The following PTPRD variants were observed in gnomAD, a reference collection of about 807,000 sequenced individuals.
PTPRD encodes the protein receptor-type tyrosine-protein phosphatase delta.
A neutral mutation model predicts 214.5 loss-of-function variants in PTPRD; 34 were observed. The ratio of observed to expected loss-of-function variants is 0.16; its 90% CI spans 0.12 to 0.21. PTPRD has a LOEUF of 0.21. Ranked by LOEUF, PTPRD falls within the 10% of genes least tolerant of loss-of-function variation. The probability of loss-of-function intolerance (pLI) is 1.00; values close to 1 mark genes in which losing one functional copy is unlikely to be tolerated. For missense variants in PTPRD, 2,545 were observed against 2,398.7 expected (o/e 1.06, Z -1.27); for synonymous variants, 1,128 against 845.7 (o/e 1.33, Z -5.79).
chr9:9,678,908 T>A (rs10816162), intron 7 of PTPRD, among the ~76,000 whole-genome samples: 50,783 of 151,574 alleles, frequency 0.34, 8,823 homozygotes, highest in Admixed American at 0.47. Context: ...CAAAAATCAC[T>A]CTAAAACTCA....
chr9:8,715,602 T>C (rs965519245), intron 12 of PTPRD, among the ~76,000 whole-genome samples: 3 of 152,198 alleles, frequency 2.0e-5, no homozygotes, highest in Non-Finnish European at 4.4e-5. Context: ...ACACCATATT[T>C]CTTCTAACTA....
chr9:10,162,596 C>G (rs532035389), intron 3 of PTPRD, among the ~76,000 whole-genome samples: 45 of 149,480 alleles, frequency 3.0e-4, no homozygotes, highest in African/African-American at 1.0e-3. Context: ...TACGAACTAA[C>G]AGTTTTATAC....
intron 3 of PTPRD, among the ~76,000 whole-genome samples, chr9:10,128,480 G>A (rs1356361474): frequency 6.6e-6 from 1 of 152,098 alleles, no homozygotes; most frequent in East Asian, 1.9e-4. Flanking sequence ...CAGAAGCTAT[G>A]ACTGAGGCAT....
chr9:8,473,512 T>A (rs1206423885), intron 30 of PTPRD, among the ~76,000 whole-genome samples: 3 of 152,138 alleles, frequency 2.0e-5, no homozygotes, highest in Non-Finnish European at 4.4e-5. Flanking sequence ...ACCTCTTGCT[T>A]TTCACTACCA....
At chr9:8,828,136 G>T (rs2097211592) in intron 11 of PTPRD, among the ~76,000 whole-genome samples, 1 of 152,180 alleles carries the variant, frequency 6.6e-6, no homozygotes, top group Non-Finnish European at 1.5e-5. Flanking sequence ...AGAGCTTGAT[G>T]GAAAGAGAAT....
intron 9 of PTPRD, among the ~76,000 whole-genome samples, chr9:9,358,864 C>A (rs578065651): frequency 6.6e-6 from 1 of 151,424 alleles, no homozygotes; most frequent in South Asian, 2.1e-4. Context: ...GCGAGACGAA[C>A]CAACTCTGAG....
At chr9:10,019,709 T>G (rs1375792419) in intron 4 of PTPRD, among the ~76,000 whole-genome samples, 1 of 147,630 alleles carries the variant, frequency 6.8e-6, no homozygotes, top group Non-Finnish European at 1.5e-5. Context: ...TTCTCACTCA[T>G]AGGTGGGAAT....
chr9:10,411,240 G>A (rs2098432975), intron 2 of PTPRD, among the ~76,000 whole-genome samples: 1 of 151,690 alleles, frequency 6.6e-6, no homozygotes, highest in African/African-American at 2.4e-5. Flanking sequence ...CACCTAATGA[G>A]AAGAAATTGT....
chr9:8,921,297 C>T (rs1032393339), intron 11 of PTPRD, among the ~76,000 whole-genome samples: 5 of 152,140 alleles, frequency 3.3e-5, no homozygotes, highest in African/African-American at 7.2e-5. Context: ...GTTAAAGCTT[C>T]CTGAACTTGC....
intron 10 of PTPRD, chr9:9,091,174 A>G: frequency 6.5e-7 from 1 of 1,545,080 alleles, no homozygotes; most frequent in Non-Finnish European, 8.8e-7. Flanking sequence ...TGAAGTCCGC[A>G]AGGACCGAAC....
intron 5 of PTPRD, among the ~76,000 whole-genome samples, chr9:9,837,151 G>A (rs1480357044): frequency 2.6e-5 from 4 of 152,096 alleles, no homozygotes; most frequent in African/African-American, 7.2e-5. Context: ...TGTGTATTAA[G>A]TATGTGTGTG....
At chr9:10,061,507 T>A (rs920054597) in intron 3 of PTPRD, among the ~76,000 whole-genome samples, 1 of 152,052 alleles carries the variant, frequency 6.6e-6, no homozygotes, top group African/African-American at 2.4e-5. Context: ...TCAAATGAGA[T>A]TGCTTTGAAG....
intron 9 of PTPRD, among the ~76,000 whole-genome samples, chr9:9,296,732 T>A (rs898013714): frequency 7.2e-5 from 11 of 151,786 alleles, no homozygotes; most frequent in African/African-American, 2.7e-4. Context: ...ACATTTTAAA[T>A]AAATAAGAAG....
intron 2 of PTPRD, among the ~76,000 whole-genome samples, chr9:10,374,363 T>C (rs980323113): frequency 2.0e-5 from 3 of 152,060 alleles, no homozygotes; most frequent in African/African-American, 7.2e-5. Flanking sequence ...TGCATATAAA[T>C]ATTTGGCTGC....
intron 7 of PTPRD, among the ~76,000 whole-genome samples, chr9:9,691,194 T>G (rs1426704579): frequency 6.6e-6 from 1 of 151,966 alleles, no homozygotes; most frequent in Non-Finnish European, 1.5e-5. Flanking sequence ...ATTAGATTAT[T>G]ATTAACAATA....
intron 3 of PTPRD, among the ~76,000 whole-genome samples, chr9:10,330,144 AC>A (rs976980713): frequency 1.3e-5 from 2 of 151,830 alleles, no homozygotes; most frequent in Admixed American, 6.6e-5. Flanking sequence ...GTCACAGGAA[AC>A]TTAAATACTT....
chr9:8,526,652 G>A lies in PTPRD; in HGVS notation c.551-8C>T. 1 of 1,571,818 alleles carries A rather than the reference G, an allele frequency of 6.4e-7. No individual in the cohort carries two copies. Among genetic ancestry groups the A allele is most frequent in the Non-Finnish European group, 8.7e-7 (1 of 1,155,586 alleles). On this transcript the variant is annotated splice_polypyrimidine_tract_variant and splice_region_variant and intron_variant, in intron 16 of 45. Coordinates refer to ENST00000381196, the MANE Select transcript of PTPRD (RefSeq NM_002839.4). ...CTCTTATTGGTGTACCACCTGGGTGGATAATATGAATGCAAATAAGATTAG... is the reference window on the plus strand; with the variant it reads ...CTCTTATTGGTGTACCACCTGGGTGAATAATATGAATGCAAATAAGATTAG...
intron 35 of PTPRD, 78 bp from the exon 36 acceptor site, chr9:8,404,738 A>G: frequency 6.8e-7 from 1 of 1,474,538 alleles, no homozygotes. Context: ...CACATGTAAT[A>G]AACATGATTT....
chr9:8,559,565 T>G (rs2085333771), intron 14 of PTPRD, among the ~76,000 whole-genome samples: 1 of 152,194 alleles, frequency 6.6e-6, no homozygotes, highest in African/African-American at 2.4e-5. Flanking sequence ...GAGGACAAAG[T>G]AATAAATTTC....
Sources: allele counts gnomAD v4.1 joint callset (sites outside exome capture counted in the v4.1 genomes callset), GRCh38; gene constraint gnomAD v4.1.1; transcripts MANE v1.5; gene names NCBI Gene and HGNC (gene_info 2026-07-23, HGNC 2026-07-21).